Variants in ATP2C2 observed in about 807,000 individuals in gnomAD.
ATP2C2 encodes calcium-transporting ATPase type 2C member 2.
In ATP2C2, 171 loss-of-function variants were observed where a neutral mutation model predicts 110.8. The ratio of observed to expected loss-of-function variants is 1.54; its 90% CI spans 1.36 to 1.75. The LOEUF is 1.75. Among genes scored for constraint, ATP2C2 ranks in the 40% most tolerant of loss-of-function variants. The probability of loss-of-function intolerance (pLI) is 0.00; values close to 1 mark genes in which losing one functional copy is unlikely to be tolerated. For synonymous variants in ATP2C2, 804 were observed against 508.4 expected (o/e 1.58, Z -7.82); for missense variants, 1,963 against 1,235.0 (o/e 1.59, Z -8.84).
chr16:84,418,027 T>C (rs1408916509), intron 7 of ATP2C2, among the ~76,000 whole-genome samples: 1 of 152,194 alleles, frequency 6.6e-6, no homozygotes, highest in Non-Finnish European at 1.5e-5. Flanking sequence ...TTATTTTCCC[T>C]TTCCTGGAGT....
chr16:84,440,776 C>G (rs1909174617), intron 13 of ATP2C2, 81 bp from the exon 14 acceptor site: 1 of 1,048,734 alleles, frequency 9.5e-7, no homozygotes, highest in East Asian at 2.4e-5. Context: ...GGAATGGATC[C>G]CCAGGACAGA....
intron 21 of ATP2C2, among the ~76,000 whole-genome samples, chr16:84,458,496 AAAAAAAAAAAAATTTAAAT>A (rs545329299): frequency 0.13 from 588 of 4,440 alleles, 2 homozygotes; most frequent in Middle Eastern, 0.25. Context: ...AGAGTATAAT[AAAAAAAAAAAAATTTAAAT>A]AAAAAAAAAG....
intron 24 of ATP2C2, 132 bp from the exon 25 acceptor site, chr16:84,461,582 G>C (rs2150601538): frequency 1.3e-6 from 1 of 799,028 alleles, no homozygotes; most frequent in Non-Finnish European, 2.2e-6. Flanking sequence ...AGGAAGCTGT[G>C]TGACCGATTC....
chr16:84,430,907 C>T (rs1024059576), intron 11 of ATP2C2, among the ~76,000 whole-genome samples: 1 of 152,028 alleles, frequency 6.6e-6, no homozygotes, highest in Non-Finnish European at 1.5e-5. Flanking sequence ...GCAACCCAAC[C>T]CCCCCACCTC....
intron 8 of ATP2C2, 33 bp from the exon 9 acceptor site, chr16:84,422,596 T>C: frequency 3.1e-6 from 5 of 1,611,060 alleles, no homozygotes; most frequent in Non-Finnish European, 4.2e-6. Context: ...TCCCAGCCCT[T>C]AGATTTCATA....
At position 84,422,110 on chromosome 16, in the gene ATP2C2, T is replaced by C. The variant is rs529446939; in HGVS notation, c.625-280T>C. The stretch of plus-strand genomic sequence containing the variant: ...TCACACAGGTGTTTTGAAAGGTATA[T>C]CCTAAAATAGCCATCACCTTCATTT... On this transcript the variant is annotated intron_variant, in intron 7 of 26. Coordinates refer to ENST00000262429, the MANE Select transcript of ATP2C2 (RefSeq NM_014861.4). Among the ~76,000 whole-genome samples, 3 of 152,240 alleles carry C rather than the reference T, an allele frequency of 2.0e-5. No homozygotes were observed. In the East Asian group the frequency reaches 5.8e-4, roughly 29 times the overall value.
chr16:84,462,208 G>A (rs1782025172), intron 26 of ATP2C2, 79 bp downstream of exon 26: 1 of 1,547,998 alleles, frequency 6.5e-7, no homozygotes, highest in Non-Finnish European at 8.7e-7. Flanking sequence ...GGGAGCTGCA[G>A]CCCAGGAGGG....
At chr16:84,370,016 C>T (rs928615729) in intron 1 of ATP2C2, among the ~76,000 whole-genome samples, 2 of 152,202 alleles carry the variant, frequency 1.3e-5, no homozygotes, top group Non-Finnish European at 2.9e-5. Flanking sequence ...GTTGCCTTTC[C>T]TATGTTGCCA....
At chr16:84,410,528 G>T in intron 4 of ATP2C2, 40 bp from the exon 5 acceptor site, 1 of 1,608,618 alleles carries the variant, frequency 6.2e-7, no homozygotes. Context: ...CCCTCCCACT[G>T]AGCCTCTGGT....
At chr16:84,372,397 C>T (rs1455194247) in intron 1 of ATP2C2, among the ~76,000 whole-genome samples, 1 of 152,180 alleles carries the variant, frequency 6.6e-6, no homozygotes, top group Admixed American at 6.5e-5. Flanking sequence ...AATTCAGCAA[C>T]ATGTGGGCAT....
chr16:84,448,705 C>A lies in ATP2C2; in HGVS notation c.1660+16C>A, dbSNP rs78462499. ...GGTTTGCGGGGTCAGTGCCTGTGGT[C>A]CCGGCCCAGAGCTTTAAGCTTGCAT... On this transcript the variant is annotated intron_variant, in intron 17 of 26. Coordinates refer to ENST00000262429, the MANE Select transcript of ATP2C2 (RefSeq NM_014861.4). 6.5e-4 allele frequency: 1,037 copies of A among 1,604,544 alleles called. 14 individuals carry two copies. The East Asian group carries it at 0.02, about 30-fold the overall frequency.
intron 20 of ATP2C2, 86 bp from the exon 21 acceptor site, chr16:84,454,732 T>A: frequency 7.3e-7 from 1 of 1,372,554 alleles, no homozygotes; most frequent in Non-Finnish European, 9.7e-7. Context: ...GACAGAGGTG[T>A]CTGTGGCTGG....
rs149808849 is a variant in ATP2C2 at position 84,399,123 on chromosome 16, T to C, written c.210+514T>C. On this transcript the variant is annotated intron_variant, in intron 2 of 26. Coordinates refer to ENST00000262429, the MANE Select transcript of ATP2C2 (RefSeq NM_014861.4). The stretch of plus-strand genomic sequence containing the variant: ...TTCCTGGCCAGTGCAAGACAAACAT[T>C]TGCATTGCACACAAGTGTGTGTGTG... Among the ~76,000 whole-genome samples the C allele has an allele frequency of 5.9e-5, 9 of 152,350 alleles. No homozygotes were observed. In the East Asian group the frequency reaches 1.3e-3, roughly 23 times the overall value.
intron 2 of ATP2C2, among the ~76,000 whole-genome samples, chr16:84,402,324 T>G (rs774115406): frequency 6.6e-6 from 1 of 152,224 alleles, no homozygotes; most frequent in Non-Finnish European, 1.5e-5. Context: ...TTTACTCTTG[T>G]CTGATTGCTC....
Position 84,414,559 on chromosome 16 carries a change from C to T in ATP2C2, c.516-924C>T, listed in dbSNP as rs115441977. 4.7e-3 allele frequency among the ~76,000 whole-genome samples: 721 copies of T among 152,316 alleles called. 4 individuals are homozygous for T. Among genetic ancestry groups the T allele is most frequent in the African/African-American group, 0.016 (680 of 41,566 alleles). ...ACTCATGTCTCTCGGGCCAGTGTTG[C>T]ATGATGTGCTGATACCTAAGCCAAT... On this transcript the variant is annotated intron_variant, in intron 6 of 26. Transcript: ENST00000262429.
chr16:84,440,039 T>C (rs995891337), intron 13 of ATP2C2, among the ~76,000 whole-genome samples: 6 of 152,228 alleles, frequency 3.9e-5, no homozygotes, highest in African/African-American at 1.4e-4. Context: ...TATCACTATA[T>C]GTTGGCCAGG....
intron 6 of ATP2C2, among the ~76,000 whole-genome samples, chr16:84,411,970 CTCT>C (rs1906346486): frequency 2.7e-5 from 4 of 148,366 alleles, no homozygotes; most frequent in African/African-American, 1.0e-4. Flanking sequence ...TCTTTCCTTT[CTCT>C]TCTTTCTTTT....
At chr16:84,426,274 A>T (rs1486973644) in intron 11 of ATP2C2, among the ~76,000 whole-genome samples, 1 of 152,026 alleles carries the variant, frequency 6.6e-6, no homozygotes, top group Admixed American at 6.6e-5. Flanking sequence ...CTTTGAAACA[A>T]TTAGATCTCT....
intron 11 of ATP2C2, among the ~76,000 whole-genome samples, chr16:84,428,580 T>C (rs918048429): frequency 6.6e-6 from 1 of 152,174 alleles, no homozygotes; most frequent in Non-Finnish European, 1.5e-5. Flanking sequence ...GCTGGAATAT[T>C]ATGTGATGAT....
Sources: gnomAD v4.1 joint callset for allele counts (sites outside exome capture counted in the v4.1 genomes callset) on GRCh38, gnomAD v4.1.1 for gene constraint, MANE v1.5 for transcripts, NCBI Gene and HGNC (gene_info 2026-07-23, HGNC 2026-07-21) for gene names.